The following XPNPEP1 variants were observed in gnomAD, a reference collection of about 807,000 sequenced individuals.
The protein encoded by XPNPEP1 is X-prolyl aminopeptidase 1.
Under a neutral mutation model 92.4 loss-of-function variants are expected in XPNPEP1, and 39 were observed. That is an observed-to-expected ratio of 0.42 (90% CI 0.33 to 0.55). The LOEUF (loss-of-function observed/expected upper bound fraction) is 0.55, where lower values mean the gene tolerates loss of function less well. Ranked by LOEUF, XPNPEP1 falls within the 20% of genes least tolerant of loss-of-function variation. The pLI is 0.08. For synonymous variants in XPNPEP1, 307 were observed against 299.4 expected (o/e 1.03, Z -0.26); for missense variants, 654 against 856.1 (o/e 0.76, Z 2.95).
chr10:109,907,984 C>T (rs1849650953), intron 2 of XPNPEP1, among the ~76,000 whole-genome samples, 169 bp from the exon 3 acceptor site: 1 of 152,216 alleles, frequency 6.6e-6, no homozygotes, highest in South Asian at 2.1e-4. Flanking sequence ...GCCAGAAACA[C>T]TAATGTTCAC....
rs762797488 is a variant in XPNPEP1, at chr10:109,882,482, C to T, written c.991G>A (p.Val331Met). Residue 331 changes from valine (V) to methionine (M), a missense_variant, in exon 10 of 21, where the codon GTG becomes ATG. Transcript: ENST00000502935. The stretch of plus-strand genomic sequence containing the variant: ...TAGCTGGCCTTGTCACTGACCCACA[C>T]CTTCTCCCTTGGGGAGAGGTCAGCA... The part of the protein sequence containing the change: ...LCADLSPREK[V>M]WVSDKASYAV... 1 of 1,614,218 alleles carries T rather than the reference C, an allele frequency of 6.2e-7. No homozygotes were observed. Among genetic ancestry groups the T allele is most frequent in the Non-Finnish European group, 8.5e-7 (1 of 1,180,018 alleles).
In XPNPEP1 at chr10:109,882,338, AG is replaced by A. The variant is rs1244828260; in HGVS notation, c.1041+93del. 2.1e-6 allele frequency: 3 copies of A among 1,435,134 alleles called. No homozygotes were observed. In the African/African-American group the frequency reaches 4.2e-5, roughly 20 times the overall value. The allele number at this position is 1,435,134 out of a possible 1,614,324, so 88.9% of individuals were successfully genotyped here. ...ATGGAGACCACAGTTCTGATCCAACAGGCAGCCTCAGAAATCTGCCTGTGCT... is the reference window on the plus strand; with the variant it reads ...ATGGAGACCACAGTTCTGATCCAACAGCAGCCTCAGAAATCTGCCTGTGCT... On this transcript the variant is annotated intron_variant, in intron 10 of 20. Coordinates refer to ENST00000502935, the MANE Select transcript of XPNPEP1 (RefSeq NM_020383.4).
intron 1 of XPNPEP1, among the ~76,000 whole-genome samples, chr10:109,920,419 T>C (rs1850477072): frequency 6.6e-6 from 1 of 152,248 alleles, no homozygotes; most frequent in African/African-American, 2.4e-5. Flanking sequence ...ATCTCTTTCT[T>C]GTGGACAGGG....
In XPNPEP1 at chr10:109,868,724, A is replaced by G; in HGVS notation, c.1774-12T>C. The G allele has an allele frequency of 6.2e-7, 1 of 1,605,598 alleles. No homozygotes were observed. The highest frequency in any genetic ancestry group is 8.5e-7 in the Non-Finnish European group (1 of 1,172,312). ...TTATTAAAATTATACTGCGGGAGAAAGAAGAAAACAGATGCTTTTACTCCT... is the reference window on the plus strand; with the variant it reads ...TTATTAAAATTATACTGCGGGAGAAGGAAGAAAACAGATGCTTTTACTCCT... On this transcript the variant is annotated splice_polypyrimidine_tract_variant and intron_variant, in intron 19 of 20. Transcript: ENST00000502935.
intron 8 of XPNPEP1, 174 bp from the exon 9 acceptor site, chr10:109,884,322 T>C (rs1040573773): frequency 1.3e-5 from 8 of 605,710 alleles, no homozygotes; most frequent in East Asian, 2.9e-5. Context: ...TGAGCTGCAA[T>C]TGCTCATGTC....
At chr10:109,915,964 G>A (rs890031034) in intron 1 of XPNPEP1, among the ~76,000 whole-genome samples, 4 of 152,042 alleles carry the variant, frequency 2.6e-5, no homozygotes, top group African/African-American at 9.7e-5. Context: ...GCCCTATTCT[G>A]GACACAACAG....
At chr10:109,873,515 C>A (rs958258841) in intron 15 of XPNPEP1, 88 bp from the exon 16 acceptor site, 2 of 1,509,636 alleles carry the variant, frequency 1.3e-6, no homozygotes, top group Non-Finnish European at 1.8e-6. Flanking sequence ...AAGTGAGAAG[C>A]CCCATACAAT....
intron 19 of XPNPEP1, 95 bp from the exon 20 acceptor site, chr10:109,868,807 A>C: frequency 8.4e-7 from 1 of 1,189,556 alleles, no homozygotes; most frequent in Non-Finnish European, 1.2e-6. Context: ...CCTCAGAGCC[A>C]GGGGTAACTG....
chr10:109,907,430 G>C (rs566984757), intron 3 of XPNPEP1, among the ~76,000 whole-genome samples: 5 of 152,338 alleles, frequency 3.3e-5, no homozygotes, highest in African/African-American at 1.2e-4. Flanking sequence ...GAGTATGCCA[G>C]CAACAGAAAG....
At chr10:109,894,044 C>T (rs1314311372) in intron 3 of XPNPEP1, 1 of 152,228 alleles carries the variant, frequency 6.6e-6, no homozygotes, top group Admixed American at 6.5e-5. Flanking sequence ...GATCCAAAGC[C>T]AGGCCTGCCT....
chr10:109,923,194 C>A, intron 1 of XPNPEP1: 6 of 985,354 alleles, frequency 6.1e-6, no homozygotes, highest in Non-Finnish European at 7.2e-6. Context: ...GCCCACCGAC[C>A]CTCCGGAAAC....
intron 8 of XPNPEP1, 24 bp downstream of exon 8, chr10:109,886,222 A>G (rs781620807): frequency 1.2e-6 from 2 of 1,612,786 alleles, no homozygotes; most frequent in South Asian, 2.2e-5. Context: ...TAACATGCCC[A>G]AACAGCGAAA....
intron 19 of XPNPEP1, 98 bp downstream of exon 19, chr10:109,869,855 T>C: frequency 1.6e-6 from 2 of 1,266,494 alleles, no homozygotes; most frequent in East Asian, 5.0e-5. Context: ...AGGAAAATTT[T>C]TAAGCTTTGC....
chr10:109,870,616 T>G, intron 18 of XPNPEP1, 115 bp downstream of exon 18: 1 of 1,366,240 alleles, frequency 7.3e-7, no homozygotes, highest in East Asian at 2.3e-5. Flanking sequence ...AAAAGTTTGT[T>G]GGAAGGGAAA....
Position 109,888,155 on chromosome 10 carries a change from G to T in XPNPEP1, c.546C>A (p.Ala182=), listed in dbSNP as rs552443066. ...CCTTGACAGGAATGAGGTGATGGCC[G>T]GCACTTCTCAGAACTTTGGCCATTT... ...WKKMAKVLRS[A]GHHLIPVKEN... The change falls in exon 7 of 21, where the codon GCC becomes GCA. Residue 182 remains alanine, a synonymous_variant. Transcript: ENST00000502935. 1.9e-6 allele frequency: 3 copies of T among 1,613,596 alleles called. No individual in the cohort carries two copies. In the South Asian group the frequency reaches 3.3e-5, roughly 18 times the overall value.
In XPNPEP1 at chr10:109,869,916, TA is replaced by T; in HGVS notation, c.1773+36del. On this transcript the variant is annotated intron_variant, in intron 19 of 20. Transcript: ENST00000502935. The stretch of plus-strand genomic sequence containing the variant: ...GGTCTATCCGAGGCGTGATTATTGC[TA>T]ATAGAAACAGGAAAATTTTTTTAAT... 5 of 1,607,254 alleles carry T rather than the reference TA, an allele frequency of 3.1e-6. No homozygotes were observed. The South Asian group carries it at 3.3e-5, about 11-fold the overall frequency.
At chr10:109,887,147 G>GAACAAAAGCTTT (rs1372224774) in intron 7 of XPNPEP1, among the ~76,000 whole-genome samples, 3 of 46,912 alleles carry the variant, frequency 6.4e-5, no homozygotes, top group Non-Finnish European at 1.8e-4. Flanking sequence ...AATGTGTACT[G>GAACAAAAGCTTT]AACAGCAACA....
chr10:109,880,829 C>T lies in XPNPEP1; in HGVS notation c.1131+13G>A, dbSNP rs1589565381. The T allele has an allele frequency of 6.2e-7, 1 of 1,613,224 alleles. No homozygotes were observed. ...CCTCACATCCCATCTTCTGCACCAG[C>T]TCCTCTACTCACGTGAGCCCGCCTC... On this transcript the variant is annotated intron_variant, in intron 11 of 20. Coordinates refer to ENST00000502935, the MANE Select transcript of XPNPEP1 (RefSeq NM_020383.4).
At chr10:109,905,414 T>C (rs745476299) in intron 3 of XPNPEP1, among the ~76,000 whole-genome samples, 1 of 152,162 alleles carries the variant, frequency 6.6e-6, no homozygotes, top group African/African-American at 2.4e-5. Context: ...TTCACCATGT[T>C]GGTCAGGCTG....
Sources: gnomAD v4.1 joint callset for allele counts (sites outside exome capture counted in the v4.1 genomes callset) on GRCh38, gnomAD v4.1.1 for gene constraint, MANE v1.5 for transcripts, NCBI Gene and HGNC (gene_info 2026-07-23, HGNC 2026-07-21) for gene names.